RPS6KA2: variants seen among roughly 807,000 people sequenced by gnomAD.
RPS6KA2 encodes the protein ribosomal protein S6 kinase A2, also known as ribosomal protein S6 kinase alpha-2.
Under a neutral mutation model 91.8 loss-of-function variants are expected in RPS6KA2, and 42 were observed. The observed-to-expected ratio is 0.46, with a 90% CI of 0.36 to 0.59. The LOEUF (loss-of-function observed/expected upper bound fraction) is 0.59. Among genes scored for constraint, RPS6KA2 ranks in the 20% least tolerant of loss-of-function variants. RPS6KA2 has a pLI of 0.00. For synonymous variants in RPS6KA2, 414 were observed against 393.6 expected, an observed-to-expected ratio of 1.05 and a Z score of -0.61; for missense variants, 798 against 978.5, an observed-to-expected ratio of 0.82 and a Z score of 2.46.
chr6:166,520,658 A>T (rs1782825254), intron 3 of RPS6KA2, among the ~76,000 whole-genome samples: 2 of 152,250 alleles, frequency 1.3e-5, no homozygotes, highest in African/African-American at 4.8e-5. Context: ...AGAGGTTGGA[A>T]GAGTTCTGAG....
chr6:166,467,193 C>G (rs1348820723), intron 11 of RPS6KA2, among the ~76,000 whole-genome samples: 1 of 152,146 alleles, frequency 6.6e-6, no homozygotes, highest in Non-Finnish European at 1.5e-5. Context: ...CTCATTCACT[C>G]ACTCACTCAT....
intron 2 of RPS6KA2, among the ~76,000 whole-genome samples, chr6:166,785,208 TAAG>T (rs1778899866): frequency 6.6e-6 from 1 of 152,242 alleles, no homozygotes; most frequent in South Asian, 2.1e-4. Context: ...ATTCTTGATG[TAAG>T]CCTCTGCCTG....
At chr6:166,853,415 C>T (rs534255373) in intron 2 of RPS6KA2, among the ~76,000 whole-genome samples, 2 of 152,192 alleles carry the variant, frequency 1.3e-5, no homozygotes, top group African/African-American at 2.4e-5. Flanking sequence ...CACAGAGACC[C>T]GGGAGCCTGG....
rs571333491 is a variant in RPS6KA2, at chr6:166,550,768, C to T, written c.100-11984G>A. On this transcript the variant is annotated intron_variant, in intron 1 of 20. Coordinates refer to ENST00000265678, the MANE Select transcript of RPS6KA2 (RefSeq NM_021135.6). ...CTGTAATCCCAGCACTTTGGGAGGCCAAGGCGGTCAGATCACAAGGTCAGG... is the reference window on the plus strand; with the variant it reads ...CTGTAATCCCAGCACTTTGGGAGGCTAAGGCGGTCAGATCACAAGGTCAGG... 2.6e-4 allele frequency among the ~76,000 whole-genome samples: 40 copies of T among 152,060 alleles called. 1 individual carries two copies. The East Asian group carries it at 4.8e-3, about 18-fold the overall frequency.
chr6:166,640,614 A>C (rs1167682540), intron 2 of RPS6KA2, among the ~76,000 whole-genome samples: 2 of 152,206 alleles, frequency 1.3e-5, no homozygotes, highest in Non-Finnish European at 2.9e-5. Flanking sequence ...AACACATGAG[A>C]ATGCTAGATA....
At chr6:166,699,083 G>A (rs142774070) in intron 2 of RPS6KA2, among the ~76,000 whole-genome samples, 2 of 152,172 alleles carry the variant, frequency 1.3e-5, no homozygotes, top group Non-Finnish European at 2.9e-5. Context: ...TGAGTGCACC[G>A]TAGTAACACA....
chr6:166,723,335 C>A (rs920097324), intron 2 of RPS6KA2, among the ~76,000 whole-genome samples: 1 of 152,204 alleles, frequency 6.6e-6, no homozygotes, highest in Non-Finnish European at 1.5e-5. Context: ...GGTGTGGGAG[C>A]GACAGAACAT....
intron 2 of RPS6KA2, among the ~76,000 whole-genome samples, chr6:166,725,671 G>A (rs1002241103): frequency 2.0e-4 from 30 of 152,258 alleles, no homozygotes; most frequent in Admixed American, 1.7e-3. Context: ...GTGGGCCCAC[G>A]GGGAGACCCT....
rs1342143656 is a variant in RPS6KA2, at chr6:166,493,149, T to C, written c.748-2408A>G. 6.6e-6 allele frequency among the ~76,000 whole-genome samples: 1 copy of C among 152,106 alleles called. No homozygotes were observed. The highest frequency in any genetic ancestry group is 1.9e-4 in the East Asian group (1 of 5,178). ...CCATATGGTAGGAGGTCCCCAACCA[T>C]CTACTCAGCCAGAGAACACCCAGCA... On this transcript the variant is annotated intron_variant, in intron 8 of 20. Transcript: ENST00000265678. This position sits in a 1 kb window ranked among gnomAD's most constrained non-coding sequence, Gnocchi z 4.7.
At chr6:166,453,114 T>C (rs1427803892) in intron 12 of RPS6KA2, among the ~76,000 whole-genome samples, 2 of 151,464 alleles carry the variant, frequency 1.3e-5, no homozygotes, top group South Asian at 2.1e-4. Flanking sequence ...GGCAGGAGAA[T>C]TGCATGAACC....
chr6:166,497,518 G>A (rs778132003), intron 8 of RPS6KA2, among the ~76,000 whole-genome samples: 2 of 152,258 alleles, frequency 1.3e-5, no homozygotes, highest in African/African-American at 2.4e-5. Flanking sequence ...TGAGCAGCCC[G>A]TGCGGGCACG....
At chr6:166,861,387 T>C (rs954017046) in intron 1 of RPS6KA2, among the ~76,000 whole-genome samples, 7 of 152,148 alleles carry the variant, frequency 4.6e-5, no homozygotes, top group Non-Finnish European at 1.0e-4. Flanking sequence ...TTAATAAATT[T>C]GGGGAACTTT....
intron 2 of RPS6KA2, among the ~76,000 whole-genome samples, chr6:166,850,623 G>A (rs4710118): frequency 0.038 from 5,753 of 152,224 alleles, 464 homozygotes; most frequent in East Asian, 0.32. Context: ...CGCAGGTCCC[G>A]TGAGTTCCAC....
chr6:166,461,883 A>C (rs1245294406), intron 11 of RPS6KA2, among the ~76,000 whole-genome samples: 2 of 152,100 alleles, frequency 1.3e-5, no homozygotes, highest in African/African-American at 2.4e-5. Flanking sequence ...ACAGCCTCTG[A>C]TAAAACCATC....
At chr6:166,587,221 AC>A in intron 1 of RPS6KA2, among the ~76,000 whole-genome samples, 1 of 152,290 alleles carries the variant, frequency 6.6e-6, no homozygotes, top group Non-Finnish European at 1.5e-5. Context: ...CAGTCCAGAG[AC>A]CCTGGGTCAG....
At chr6:166,677,572 C>T (rs539452799) in intron 2 of RPS6KA2, among the ~76,000 whole-genome samples, 1 of 152,228 alleles carries the variant, frequency 6.6e-6, no homozygotes, top group African/African-American at 2.4e-5. Context: ...GTCTCAAATT[C>T]CTGGCCTCAA....
chr6:166,437,831 C>T lies in RPS6KA2; in HGVS notation c.1333-5341G>A, dbSNP rs1779385476. ...TGATAACACCTTTCCTCCTGCTGGCCGAAGGCGGCAACAGGAGACTTCACC... is the reference window on the plus strand; with the variant it reads ...TGATAACACCTTTCCTCCTGCTGGCTGAAGGCGGCAACAGGAGACTTCACC... On this transcript the variant is annotated intron_variant, in intron 14 of 20. Coordinates refer to ENST00000265678, the MANE Select transcript of RPS6KA2 (RefSeq NM_021135.6). The surrounding 1 kb of genome is among the most constrained non-coding windows in gnomAD (Gnocchi z 4.3). 6.6e-6 allele frequency among the ~76,000 whole-genome samples: 1 copy of T among 152,076 alleles called. No homozygotes were observed. Among genetic ancestry groups the T allele is most frequent in the Non-Finnish European group, 1.5e-5 (1 of 67,996 alleles).
In RPS6KA2 at chr6:166,531,269, G is replaced by C; in HGVS notation, c.261C>G (p.Leu87=). The change falls in exon 3 of 21, where the codon CTC becomes CTG. Residue 87 remains leucine (L), a synonymous_variant. Coordinates refer to ENST00000265678, the MANE Select transcript of RPS6KA2 (RefSeq NM_021135.6). ...CTTTCTTAAGGACCTTCATGGCGTAGAGCTGCCCAGCGTCGGACCCCTTCA... is the reference window on the plus strand; with the variant it reads ...CTTTCTTAAGGACCTTCATGGCGTACAGCTGCCCAGCGTCGGACCCCTTCA... ...RKVKGSDAGQ[L]YAMKVLKKAT... 5 of 1,614,124 alleles carry C rather than the reference G, an allele frequency of 3.1e-6. No individual in the cohort carries two copies. The highest frequency in any genetic ancestry group is 4.2e-6 in the Non-Finnish European group (5 of 1,179,982).
chr6:166,468,398 A>G (rs563718520), intron 11 of RPS6KA2, among the ~76,000 whole-genome samples: 129 of 152,370 alleles, frequency 8.5e-4, no homozygotes, highest in African/African-American at 3.0e-3. Flanking sequence ...TTAAAAAGTT[A>G]TCACTCTTCC....
Sources: allele counts gnomAD v4.1 joint callset (sites outside exome capture counted in the v4.1 genomes callset), GRCh38; gene constraint gnomAD v4.1.1; non-coding constraint Gnocchi (gnomAD v3.1); transcripts MANE v1.5; gene names NCBI Gene and HGNC (gene_info 2026-07-23, HGNC 2026-07-21).